MBTPS1: variants seen among roughly 807,000 people sequenced by gnomAD.
MBTPS1 encodes membrane-bound transcription factor site-1 protease.
A neutral mutation model predicts 127.8 loss-of-function variants in MBTPS1; 94 were observed. That is an observed-to-expected ratio of 0.74 (90% CI 0.62 to 0.87). The LOEUF (loss-of-function observed/expected upper bound fraction) is 0.87, where lower values mean the gene tolerates loss of function less well. Among genes scored for constraint, MBTPS1 ranks in the 40% least tolerant of loss-of-function variants. The pLI is 0.00. For synonymous variants in MBTPS1, 632 were observed against 509.4 expected, an observed-to-expected ratio of 1.24 and a Z score of -3.24; for missense variants, 1,636 against 1,353.2, an observed-to-expected ratio of 1.21 and a Z score of -3.28.
At chr16:84,100,069 A>G (rs561403324) in intron 2 of MBTPS1, among the ~76,000 whole-genome samples, 1 of 152,150 alleles carries the variant, frequency 6.6e-6, no homozygotes, top group African/African-American at 2.4e-5. Context: ...AACATTCTGC[A>G]CCTCCCAGCT....
rs547474850 is a variant in MBTPS1 at position 84,070,436 on chromosome 16, C to A, written c.1782+152G>T. On this transcript the variant is annotated intron_variant, in intron 13 of 22. Transcript: ENST00000343411. ...CTACTTCTTCAAACTCCAGCTGCTC[C>A]GGAGGCCCTGGAACCATCAATTGTG... The A allele has an allele frequency of 3.1e-4, 230 of 735,132 alleles. No homozygotes were observed. In the Middle Eastern group the frequency reaches 3.1e-3, roughly 10 times the overall value. 45.5% of individuals were successfully genotyped at this position (735,132 alleles called of 1,614,324 possible). A position where few individuals can be genotyped will look rare whatever the true frequency, so the allele number is the denominator to read the frequency against.
chr16:84,063,185 C>A, intron 19 of MBTPS1, 120 bp downstream of exon 19: 4 of 1,045,814 alleles, frequency 3.8e-6, no homozygotes, highest in Non-Finnish European at 5.6e-6. Flanking sequence ...TCCAGCTGAG[C>A]CTGGCTCAAG....
chr16:84,069,769 G>T, intron 14 of MBTPS1, 97 bp downstream of exon 14: 1 of 1,171,312 alleles, frequency 8.5e-7, no homozygotes, highest in Non-Finnish European at 1.2e-6. Context: ...GGCTCCACGA[G>T]AAGCTGAGCA....
intron 2 of MBTPS1, among the ~76,000 whole-genome samples, chr16:84,099,717 C>A (rs1201743539): frequency 6.7e-6 from 1 of 149,052 alleles, no homozygotes; most frequent in Admixed American, 6.8e-5. Context: ...GCGGAGATTG[C>A]AGTAAGCAGA....
At chr16:84,074,899 G>C (rs144410521) in intron 11 of MBTPS1, 158 bp from the exon 12 acceptor site, 1 of 589,198 alleles carries the variant, frequency 1.7e-6, no homozygotes, top group Admixed American at 3.2e-5. Flanking sequence ...GCTCTGGAAT[G>C]CTCCTGCACA....
intron 2 of MBTPS1, 109 bp downstream of exon 2, chr16:84,101,512 A>G (rs2086255044): frequency 2.1e-5 from 22 of 1,038,120 alleles, no homozygotes; most frequent in Non-Finnish European, 3.0e-5. Context: ...AAAGAAAGAA[A>G]TTTACTGTAG....
intron 3 of MBTPS1, among the ~76,000 whole-genome samples, chr16:84,098,365 C>T (rs2151166734): frequency 6.6e-6 from 1 of 152,288 alleles, no homozygotes; most frequent in South Asian, 2.1e-4. Flanking sequence ...AATCCCAGCA[C>T]TTTGGGAGGC....
chr16:84,054,300 A>G lies in MBTPS1; in HGVS notation c.*149T>C. 1 of 569,854 alleles carries G rather than the reference A, an allele frequency of 1.8e-6. No homozygotes were observed. The highest frequency in any genetic ancestry group is 2.9e-6 in the Non-Finnish European group (1 of 348,150). The allele number at this position is 569,854 out of a possible 1,614,324, so 35.3% of individuals were successfully genotyped here. A position where few individuals can be genotyped will look rare whatever the true frequency, so the allele number is the denominator to read the frequency against. ...TGTACCAGGAGCCTCTGCCCATCAC[A>G]GGAGGGCAGGCCCATGTAGAACAGA... On this transcript the variant is annotated 3_prime_UTR_variant, in exon 23 of 23. Coordinates refer to ENST00000343411, the MANE Select transcript of MBTPS1 (RefSeq NM_003791.4).
chr16:84,113,040 T>C (rs2086421314), intron 1 of MBTPS1, among the ~76,000 whole-genome samples: 1 of 149,298 alleles, frequency 6.7e-6, no homozygotes, highest in Non-Finnish European at 1.5e-5. Flanking sequence ...AAAATTCAAA[T>C]ATATATGCTA....
chr16:84,070,802 G>T (rs1190633672), intron 12 of MBTPS1, 26 bp from the exon 13 acceptor site: 2 of 1,571,970 alleles, frequency 1.3e-6, no homozygotes, highest in East Asian at 4.5e-5. Context: ...ATCAGACAAA[G>T]GCTAAAGTGA....
chr16:84,112,974 C>CAAAAAA (rs71382895), intron 1 of MBTPS1, among the ~76,000 whole-genome samples: 1 of 56,854 alleles, frequency 1.8e-5, no homozygotes, highest in African/African-American at 6.4e-5. Flanking sequence ...GATGCCATCT[C>CAAAAAA]AAAAAAAAAA....
rs1411732942 is a variant in MBTPS1, at chr16:84,066,471, C to T, written c.2353+18G>A. 4 of 1,613,260 alleles carry T rather than the reference C, an allele frequency of 2.5e-6. No individual in the cohort carries two copies. In the Admixed American group the frequency reaches 6.7e-5, roughly 27 times the overall value. ...GCTCTCACACCTAAGACCACGCCCT[C>T]AGGAAACAGAGCCTTACTGTCATGG... On this transcript the variant is annotated intron_variant, in intron 17 of 22. Transcript: ENST00000343411.
In MBTPS1 at chr16:84,054,558, A is replaced by G; in HGVS notation, c.3050T>C (p.Phe1017Ser). 3 of 1,613,992 alleles carry G rather than the reference A, an allele frequency of 1.9e-6. No individual in the cohort carries two copies. Among genetic ancestry groups the G allele is most frequent in the Non-Finnish European group, 2.5e-6 (3 of 1,179,910 alleles). The part of the protein sequence containing the change: ...FLGAMVVLAF[F>S]VVQINKAKSR... ...CTTGGCCTTGTTGATTTGTACCACAAAGAAGGCCAGGACCACCATGGCTCC... is the reference window on the plus strand; with the variant it reads ...CTTGGCCTTGTTGATTTGTACCACAGAGAAGGCCAGGACCACCATGGCTCC... Residue 1017 changes from phenylalanine to serine, a missense_variant, in exon 23 of 23, where the codon TTT (phenylalanine) becomes TCT (serine). Transcript: ENST00000343411.
Position 84,060,977 on chromosome 16 carries a change from G to A in MBTPS1, c.2573-164C>T, listed in dbSNP as rs1597303405. 1.2e-5 allele frequency: 7 copies of A among 570,256 alleles called. No individual in the cohort carries two copies. In the East Asian group the frequency reaches 2.2e-4, roughly 18 times the overall value. The allele number at this position is 570,256 out of a possible 1,614,324, so 35.3% of individuals were successfully genotyped here. On this transcript the variant is annotated intron_variant, in intron 19 of 22. Transcript: ENST00000343411. ...GCCTCCCAAGTAGCTGAGACTGAAGGCACATGACAGCATGCCCGGCTAATT... is the reference window on the plus strand; with the variant it reads ...GCCTCCCAAGTAGCTGAGACTGAAGACACATGACAGCATGCCCGGCTAATT...
At chr16:84,106,703 T>C (rs2086328369) in intron 1 of MBTPS1, among the ~76,000 whole-genome samples, 1 of 152,224 alleles carries the variant, frequency 6.6e-6, no homozygotes, top group Admixed American at 6.5e-5. Flanking sequence ...GCTTGTGTTT[T>C]AGCCAGATCG....
chr16:84,079,643 T>G (rs35911229), intron 11 of MBTPS1, among the ~76,000 whole-genome samples: 8 of 152,116 alleles, frequency 5.3e-5, no homozygotes, highest in Non-Finnish European at 7.4e-5. Context: ...TTGTGGATAA[T>G]GAGAGCCAGG....
chr16:84,092,429 TGATTAA>T (rs1180094657), intron 6 of MBTPS1, among the ~76,000 whole-genome samples: 2 of 152,198 alleles, frequency 1.3e-5, no homozygotes, highest in African/African-American at 2.4e-5. Flanking sequence ...AGCAATGTAA[TGATTAA>T]GATTATGTTT....
intron 18 of MBTPS1, among the ~76,000 whole-genome samples, chr16:84,064,247 G>C (rs1007869611): frequency 3.3e-5 from 5 of 151,716 alleles, no homozygotes; most frequent in African/African-American, 9.7e-5. Context: ...CTATAAACGT[G>C]ACATTCCCTG....
At chr16:84,055,824 G>C (rs746816235) in intron 22 of MBTPS1, among the ~76,000 whole-genome samples, 181 bp downstream of exon 22, 1 of 152,216 alleles carries the variant, frequency 6.6e-6, no homozygotes, top group Admixed American at 6.5e-5. Flanking sequence ...CTCTTAATCT[G>C]TCAGGCCTGC....
Sources: gnomAD v4.1 joint callset for allele counts (sites outside exome capture counted in the v4.1 genomes callset) on GRCh38, gnomAD v4.1.1 for gene constraint, MANE v1.5 for transcripts, NCBI Gene and HGNC (gene_info 2026-07-23, HGNC 2026-07-21) for gene names.